The following GRID2 variants were observed in gnomAD, a reference collection of about 807,000 sequenced individuals.
The protein encoded by GRID2 is glutamate receptor ionotropic, delta-2.
A neutral mutation model predicts 114.8 loss-of-function variants in GRID2; 33 were observed. The ratio of observed to expected loss-of-function variants is 0.29; its 90% CI spans 0.22 to 0.38. GRID2 has a LOEUF of 0.38. Ranked by LOEUF, GRID2 falls within the 10% of genes least tolerant of loss-of-function variation. GRID2 has a pLI of 1.00. For missense variants in GRID2, 1,184 were observed against 1,257.7 expected (o/e 0.94, Z 0.89); for synonymous variants, 505 against 449.9 (o/e 1.12, Z -1.55).
rs373457796 is a variant in GRID2 at position 93,479,584 on chromosome 4, G to T, written c.1859-11055G>T. Among the ~76,000 whole-genome samples, 95 of 152,214 alleles carry T rather than the reference G, an allele frequency of 6.2e-4. 1 individual carries two copies. The South Asian group carries it at 0.019, about 31-fold the overall frequency. On this transcript the variant is annotated intron_variant, in intron 11 of 15. Transcript: ENST00000282020. ...CCAAAGGCCTGAGAACCTGGGAGTG[G>T]GGATGGGGCGGGGAACTAGCATAAG...
chr4:92,988,267 C>G (rs1034633703), intron 2 of GRID2, among the ~76,000 whole-genome samples: 19 of 152,084 alleles, frequency 1.2e-4, no homozygotes, highest in Non-Finnish European at 1.6e-4. Context: ...CTCTTAAGCT[C>G]AAACAGGTGG....
chr4:92,792,408 C>A (rs77686487), intron 2 of GRID2, among the ~76,000 whole-genome samples: 5,129 of 149,474 alleles, frequency 0.034, 121 homozygotes, highest in Middle Eastern at 0.12. Context: ...TGCTACTTTA[C>A]TTCCTGACCC....
At chr4:93,207,107 T>C (rs913247879) in intron 4 of GRID2, among the ~76,000 whole-genome samples, 3 of 152,114 alleles carry the variant, frequency 2.0e-5, no homozygotes, top group Non-Finnish European at 4.4e-5. Flanking sequence ...CACTCTCAGT[T>C]AAATCACAAA....
intron 13 of GRID2, among the ~76,000 whole-genome samples, chr4:93,557,244 T>G (rs1225705330): frequency 1.3e-5 from 2 of 152,138 alleles, no homozygotes; most frequent in African/African-American, 4.8e-5. Flanking sequence ...CATAACAATA[T>G]TAACCTTAAA....
chr4:92,681,989 A>G (rs1733672529), intron 2 of GRID2, among the ~76,000 whole-genome samples: 1 of 152,166 alleles, frequency 6.6e-6, no homozygotes, highest in Non-Finnish European at 1.5e-5. Flanking sequence ...TGTCTTTTAT[A>G]GAGGTTAAAA....
chr4:92,992,529 T>G (rs1007614472), intron 2 of GRID2, among the ~76,000 whole-genome samples: 4 of 152,198 alleles, frequency 2.6e-5, no homozygotes, highest in African/African-American at 9.6e-5. Context: ...CTTTTCCATT[T>G]TCCTTTATCT....
At chr4:92,355,504 T>C (rs995603968) in intron 1 of GRID2, among the ~76,000 whole-genome samples, 19 of 151,940 alleles carry the variant, frequency 1.3e-4, no homozygotes, top group South Asian at 1.2e-3. Context: ...GTGACTTTCA[T>C]ACTATGAAGA....
chr4:92,586,015 T>C (rs2149207007), intron 1 of GRID2, among the ~76,000 whole-genome samples: 1 of 147,198 alleles, frequency 6.8e-6, no homozygotes, highest in South Asian at 2.2e-4. Context: ...TTATATCTAT[T>C]TTATAAGATT....
At chr4:92,927,279 A>T (rs186677414) in intron 2 of GRID2, among the ~76,000 whole-genome samples, 1 of 151,912 alleles carries the variant, frequency 6.6e-6, no homozygotes, top group Non-Finnish European at 1.5e-5. Flanking sequence ...GATCCTGTAA[A>T]GAACTGTGAA....
chr4:92,395,408 A>G (rs1417095899), intron 1 of GRID2, among the ~76,000 whole-genome samples: 1 of 151,722 alleles, frequency 6.6e-6, no homozygotes, highest in Admixed American at 6.6e-5. Flanking sequence ...AAGGTTTTCA[A>G]ACATATTGAC....
intron 2 of GRID2, among the ~76,000 whole-genome samples, chr4:92,968,669 C>T (rs79866195): frequency 0.024 from 3,663 of 151,906 alleles, 72 homozygotes; most frequent in Middle Eastern, 0.041. Context: ...AACATTGCCA[C>T]ATTGTAATTT....
At chr4:92,749,831 C>T (rs1310426512) in intron 2 of GRID2, among the ~76,000 whole-genome samples, 1 of 151,966 alleles carries the variant, frequency 6.6e-6, no homozygotes, top group African/African-American at 2.4e-5. Flanking sequence ...TCCTTACAGA[C>T]ATCTCCAGGC....
intron 2 of GRID2, among the ~76,000 whole-genome samples, chr4:92,726,904 A>G (rs1246116270): frequency 6.6e-6 from 1 of 152,074 alleles, no homozygotes; most frequent in East Asian, 1.9e-4. Context: ...TTTACAGGAA[A>G]AAAAATGGTC....
At chr4:92,967,715 A>G (rs1181293632) in intron 2 of GRID2, among the ~76,000 whole-genome samples, 1 of 151,898 alleles carries the variant, frequency 6.6e-6, no homozygotes, top group Non-Finnish European at 1.5e-5. Flanking sequence ...TTCTGGAGTT[A>G]ATTATCTTTG....
At chr4:92,788,234 G>T (rs1267518961) in intron 2 of GRID2, among the ~76,000 whole-genome samples, 1 of 151,706 alleles carries the variant, frequency 6.6e-6, no homozygotes, top group Non-Finnish European at 1.5e-5. Flanking sequence ...AGTAACCAAT[G>T]AGTTACTGGG....
chr4:93,587,510 T>C (rs1737662553), intron 13 of GRID2, among the ~76,000 whole-genome samples: 2 of 152,114 alleles, frequency 1.3e-5, no homozygotes, highest in South Asian at 2.1e-4. Context: ...GGGGGAGTTA[T>C]TAAATTTTAG....
intron 2 of GRID2, among the ~76,000 whole-genome samples, chr4:93,072,146 C>T (rs1728864435): frequency 6.6e-6 from 1 of 152,020 alleles, no homozygotes; most frequent in African/African-American, 2.4e-5. Context: ...AGCACTTTTT[C>T]CCACCTGCAC....
chr4:93,610,818 G>T (rs1740802188), intron 13 of GRID2, among the ~76,000 whole-genome samples: 1 of 117,688 alleles, frequency 8.5e-6, no homozygotes, highest in Non-Finnish European at 1.7e-5. Context: ...TCAGAATGAT[G>T]CTGGCCTCAT....
intron 8 of GRID2, among the ~76,000 whole-genome samples, chr4:93,250,681 T>TTA (rs1290995861): frequency 3.4e-5 from 5 of 146,670 alleles, no homozygotes; most frequent in South Asian, 2.1e-4. Flanking sequence ...ATTTTATATA[T>TTA]TATATATATA....
Sources: allele counts gnomAD v4.1 joint callset (sites outside exome capture counted in the v4.1 genomes callset), GRCh38; gene constraint gnomAD v4.1.1; transcripts MANE v1.5; gene names NCBI Gene and HGNC (gene_info 2026-07-23, HGNC 2026-07-21).